MAST4: variants seen among roughly 807,000 people sequenced by gnomAD.
The protein encoded by MAST4 is microtubule-associated serine/threonine-protein kinase 4.
Under a neutral mutation model 162.7 loss-of-function variants are expected in MAST4, and 89 were observed. The observed-to-expected ratio is 0.55, with a 90% CI of 0.46 to 0.65. The LOEUF (loss-of-function observed/expected upper bound fraction) is 0.65. Ranked by LOEUF, MAST4 falls within the 30% of genes least tolerant of loss-of-function variation. The pLI is 0.00. For synonymous variants in MAST4, 1,479 were observed against 1,361.1 expected, an observed-to-expected ratio of 1.09 and a Z score of -1.91; for missense variants, 3,153 against 3,374.0, an observed-to-expected ratio of 0.93 and a Z score of 1.62.
At chr5:67,029,551 G>A (rs927761377) in intron 4 of MAST4, among the ~76,000 whole-genome samples, 2 of 152,156 alleles carry the variant, frequency 1.3e-5, no homozygotes, top group African/African-American at 4.8e-5. Context: ...TAAGAAAAAG[G>A]AAATTAGGCT....
chr5:66,964,641 C>A (rs1311216264), intron 4 of MAST4, among the ~76,000 whole-genome samples: 1 of 152,012 alleles, frequency 6.6e-6, no homozygotes, highest in Non-Finnish European at 1.5e-5. Flanking sequence ...CTCTATTAAA[C>A]ATACAAAAAA....
In MAST4 at chr5:67,102,555, T is replaced by A. The variant is rs1765142207; in HGVS notation, c.1090T>A (p.Cys364Ser). The change falls in exon 9 of 29, where the codon TGC becomes AGC. Residue 364 changes from cysteine (C) to serine (S), a missense_variant. By Grantham distance (112) the Cys-to-Ser change is moderately radical. This residue lies in a region of MAST4 where 360 missense variants were observed against 450.0 expected (regional missense o/e 0.80). Coordinates refer to ENST00000403625, the MANE Select transcript of MAST4 (RefSeq NM_001164664.2). Reference sequence around the variant, plus strand: ...TTGCAGCCCTGGACGTTCTCCCGCCTGCTGTGACCATGAAATAATTATGAT... The same window carrying A: ...TTGCAGCCCTGGACGTTCTCCCGCCAGCTGTGACCATGAAATAATTATGAT... Reference protein sequence around the residue: ...RSLSPGRSPACCDHEIIMMNH... With the variant: ...RSLSPGRSPASCDHEIIMMNH... 2 of 1,613,900 alleles carry A rather than the reference T, an allele frequency of 1.2e-6. No homozygotes were observed.
intron 1 of MAST4, among the ~76,000 whole-genome samples, chr5:66,651,742 C>G (rs1746235064): frequency 6.6e-6 from 1 of 152,110 alleles, no homozygotes; most frequent in African/African-American, 2.4e-5. Flanking sequence ...AGGTGTCAAG[C>G]CAGGCCTGCA....
chr5:66,750,658 C>A (rs183634045), intron 1 of MAST4, among the ~76,000 whole-genome samples: 428 of 152,344 alleles, frequency 2.8e-3, no homozygotes, highest in Non-Finnish European at 4.1e-3. Flanking sequence ...CCCACGGAGT[C>A]TCCCTGATTG....
At chr5:66,920,704 T>G (rs921294399) in intron 4 of MAST4, among the ~76,000 whole-genome samples, 2 of 152,126 alleles carry the variant, frequency 1.3e-5, no homozygotes, top group Admixed American at 6.5e-5. Context: ...TTGGTCAGGC[T>G]GGCCTCGAAC....
intron 4 of MAST4, among the ~76,000 whole-genome samples, chr5:67,022,529 G>A (rs1754112558): frequency 6.6e-6 from 1 of 152,100 alleles, no homozygotes; most frequent in Admixed American, 6.6e-5. Flanking sequence ...TGGAACTTGG[G>A]AAACAAGGAG....
At chr5:67,062,392 T>TC (rs1171943764) in intron 5 of MAST4, among the ~76,000 whole-genome samples, 2 of 151,204 alleles carry the variant, frequency 1.3e-5, no homozygotes, top group Non-Finnish European at 2.9e-5. Context: ...AGCAAGATGG[T>TC]CCCCAAAAAA....
chr5:66,910,743 T>TTG (rs1763695311), intron 4 of MAST4, among the ~76,000 whole-genome samples: 8 of 24,236 alleles, frequency 3.3e-4, no homozygotes, highest in South Asian at 2.0e-3. Context: ...TTTTTTTTCT[T>TTG]TTTTTTTTTT....
At chr5:66,607,554 A>T (rs1325900077) in intron 1 of MAST4, among the ~76,000 whole-genome samples, 1 of 152,218 alleles carries the variant, frequency 6.6e-6, no homozygotes, top group African/African-American at 2.4e-5. Context: ...ATTGACAGCT[A>T]GCTTTAACAT....
intron 12 of MAST4, among the ~76,000 whole-genome samples, chr5:67,116,394 T>G (rs1319551321): frequency 2.0e-5 from 3 of 151,292 alleles, no homozygotes; most frequent in Non-Finnish European, 4.4e-5. Flanking sequence ...TTAGTAGAGA[T>G]AAGGTTTCAC....
chr5:66,874,792 G>A lies in MAST4; in HGVS notation c.643-25159G>A, dbSNP rs1580730091. Among the ~76,000 whole-genome samples, 7 of 152,164 alleles carry A rather than the reference G, an allele frequency of 4.6e-5. No homozygotes were observed. The East Asian group carries it at 1.3e-3, about 29-fold the overall frequency. ...CTGGGCTTTCCTGCTGGGAAAATCA[G>A]CCCAGAGCTATCTCAGAGCAGATGG... is the stretch of plus-strand genomic sequence containing the variant. On this transcript the variant is annotated intron_variant, in intron 3 of 28. Coordinates refer to ENST00000403625, the MANE Select transcript of MAST4 (RefSeq NM_001164664.2).
rs1264769218 is a variant in MAST4, at chr5:66,771,341, C to A, written c.517+11479C>A. 2.6e-5 allele frequency among the ~76,000 whole-genome samples: 4 copies of A among 152,246 alleles called. No individual in the cohort carries two copies. The South Asian group carries it at 6.2e-4, about 24-fold the overall frequency. On this transcript the variant is annotated intron_variant, in intron 2 of 28. Coordinates refer to ENST00000403625, the MANE Select transcript of MAST4 (RefSeq NM_001164664.2). ...CTGGGACTGCAGGCACCCGCCGCCA[C>A]ACCCGGCTAATTTTTTTTGTATTTT... is the stretch of plus-strand genomic sequence containing the variant.
intron 4 of MAST4, among the ~76,000 whole-genome samples, chr5:67,029,312 T>C (rs1316875137): frequency 1.3e-5 from 2 of 152,134 alleles, no homozygotes; most frequent in Non-Finnish European, 2.9e-5. Context: ...GGAGACAATT[T>C]GTACATGATT....
At chr5:66,657,503 C>T (rs891109328) in intron 1 of MAST4, among the ~76,000 whole-genome samples, 2 of 152,186 alleles carry the variant, frequency 1.3e-5, no homozygotes, top group African/African-American at 2.4e-5. Context: ...ATTCTATCCA[C>T]CTCCTCCATT....
chr5:67,015,890 T>A (rs375175519), intron 4 of MAST4, among the ~76,000 whole-genome samples: 7 of 152,238 alleles, frequency 4.6e-5, no homozygotes, highest in African/African-American at 1.7e-4. Context: ...GATAACCTGA[T>A]AACCTAGTTT....
chr5:66,976,660 C>T (rs1241773941), intron 4 of MAST4, among the ~76,000 whole-genome samples: 2 of 152,278 alleles, frequency 1.3e-5, no homozygotes, highest in Admixed American at 6.5e-5. Context: ...GAAGGGATTC[C>T]GTAGGCTCTA....
chr5:66,795,117 A>G (rs1755588431), intron 3 of MAST4, among the ~76,000 whole-genome samples: 1 of 152,320 alleles, frequency 6.6e-6, no homozygotes, highest in Non-Finnish European at 1.5e-5. Flanking sequence ...TCCGAAGTCT[A>G]ATTAGTTAAC....
chr5:66,887,070 GAAACA>G (rs1762088323), intron 3 of MAST4, among the ~76,000 whole-genome samples: 1 of 151,964 alleles, frequency 6.6e-6, no homozygotes, highest in Admixed American at 6.6e-5. Flanking sequence ...AAACAAAAAC[GAAACA>G]AAACAAAAAT....
chr5:66,726,911 G>T (rs1448019801), intron 1 of MAST4, among the ~76,000 whole-genome samples: 1 of 152,124 alleles, frequency 6.6e-6, no homozygotes, highest in Non-Finnish European at 1.5e-5. Context: ...AAAGGTTGGG[G>T]ACTGTTGAAA....
Sources: gnomAD v4.1 joint callset for allele counts (sites outside exome capture counted in the v4.1 genomes callset) on GRCh38, gnomAD v4.1.1 for gene constraint, gnomAD v4.1.1 regional missense constraint, MANE v1.5 for transcripts, NCBI Gene and HGNC (gene_info 2026-07-23, HGNC 2026-07-21) for gene names.